Variants in TFCP2 observed in about 807,000 individuals in gnomAD.
The protein encoded by TFCP2 is alpha-globin transcription factor CP2.
TFCP2 carries 33 observed loss-of-function variants against 73.4 expected under a neutral mutation model. The ratio of observed to expected loss-of-function variants is 0.45; its 90% CI spans 0.34 to 0.60. TFCP2 has a LOEUF of 0.60. Among genes scored for constraint, TFCP2 ranks in the 20% least tolerant of loss-of-function variants. TFCP2 has a pLI of 0.01. For synonymous variants in TFCP2, 193 were observed against 211.6 expected, an observed-to-expected ratio of 0.91 and a Z score of 0.76; for missense variants, 352 against 604.0, an observed-to-expected ratio of 0.58 and a Z score of 4.37.
At chr12:51,140,000 TG>T (rs1456073217) in intron 1 of TFCP2, among the ~76,000 whole-genome samples, 1 of 152,200 alleles carries the variant, frequency 6.6e-6, no homozygotes, top group African/African-American at 2.4e-5. Context: ...CTGATATGCC[TG>T]GAACTATTTC....
chr12:51,128,478 T>TAA (rs11324129), intron 1 of TFCP2, among the ~76,000 whole-genome samples: 11 of 137,298 alleles, frequency 8.0e-5, no homozygotes, highest in South Asian at 4.6e-4. Context: ...AGTATAATAA[T>TAA]AAAAAAAAAA....
In TFCP2 at chr12:51,103,701, A is replaced by G. The variant is rs1289143887; in HGVS notation, c.1029T>C (p.Ser343=). Residue 343 remains serine (S), a synonymous_variant, in exon 10 of 15, where the codon TCT becomes TCC. Transcript: ENST00000257915. ...AQQWLHRNRF[S]TFTRLFTNFS... ...AGTTTGTGAAAAGCCTTGTGAATGTAGAAAAACGATTTCGATGCAACCACT... is the reference window on the plus strand; with the variant it reads ...AGTTTGTGAAAAGCCTTGTGAATGTGGAAAAACGATTTCGATGCAACCACT... 6.2e-7 allele frequency: 1 copy of G among 1,614,146 alleles called. No individual in the cohort carries two copies. The highest frequency in any genetic ancestry group is 8.5e-7 in the Non-Finnish European group (1 of 1,180,008).
At chr12:51,155,453 G>A (rs1941517718) in intron 1 of TFCP2, among the ~76,000 whole-genome samples, 1 of 151,882 alleles carries the variant, frequency 6.6e-6, no homozygotes, top group South Asian at 2.1e-4. Flanking sequence ...TTAATTTTTG[G>A]AAGAACCACC....
chr12:51,165,127 G>A (rs1459329564), intron 1 of TFCP2, among the ~76,000 whole-genome samples: 1 of 152,080 alleles, frequency 6.6e-6, no homozygotes, highest in Non-Finnish European at 1.5e-5. Flanking sequence ...GGCTGAGGCA[G>A]GAAGATCCCT....
intron 4 of TFCP2, among the ~76,000 whole-genome samples, chr12:51,114,904 A>C (rs919017094): frequency 6.6e-6 from 1 of 151,562 alleles, no homozygotes; most frequent in African/African-American, 2.4e-5. Flanking sequence ...TCTACCAAAA[A>C]TACAAAAATT....
intron 9 of TFCP2, 184 bp from the exon 10 acceptor site, chr12:51,103,947 A>T: frequency 1.4e-6 from 1 of 693,296 alleles, no homozygotes; most frequent in African/African-American, 1.8e-5. Flanking sequence ...ACTAGACTAT[A>T]AGCTGCTCAA....
chr12:51,125,106 A>G lies in TFCP2; in HGVS notation c.123-6334T>C, dbSNP rs1056279210. On this transcript the variant is annotated intron_variant, in intron 1 of 14. Transcript: ENST00000257915. ...TCCGATGCTGGTGAAGATGCGAGGA[A>G]GCTGGCTAGCAACAGGCTGGAAGAT... 3 of 753,634 alleles carry G rather than the reference A, an allele frequency of 4.0e-6. No homozygotes were observed. In the African/African-American group the frequency reaches 5.1e-5, roughly 13 times the overall value. The allele number at this position is 753,634 out of a possible 1,614,324, so 46.7% of individuals were successfully genotyped here. A position where few individuals can be genotyped will look rare whatever the true frequency, so the allele number is the denominator to read the frequency against.
chr12:51,108,218 G>A lies in TFCP2; in HGVS notation c.718-872C>T, dbSNP rs1010200487. The stretch of plus-strand genomic sequence containing the variant: ...TGAGAACAGCTTGAACCCAGGAGAC[G>A]GAGGTTGCAGTGAGCTGGCACTGCA... On this transcript the variant is annotated intron_variant, in intron 6 of 14. Coordinates refer to ENST00000257915, the MANE Select transcript of TFCP2 (RefSeq NM_005653.5). 5.9e-5 allele frequency among the ~76,000 whole-genome samples: 9 copies of A among 151,830 alleles called. No individual in the cohort carries two copies. The South Asian group carries it at 8.3e-4, about 14-fold the overall frequency.
At chr12:51,130,440 C>G (rs1413941831) in intron 1 of TFCP2, among the ~76,000 whole-genome samples, 1 of 151,946 alleles carries the variant, frequency 6.6e-6, no homozygotes, top group African/African-American at 2.4e-5. Context: ...CTACTACACT[C>G]CAGCCTGGGT....
Position 51,105,506 on chromosome 12 carries a change from T to C in TFCP2, c.917+1019A>G, listed in dbSNP as rs80057251. Among the ~76,000 whole-genome samples the C allele has an allele frequency of 2.8e-3, 434 of 152,342 alleles. 7 individuals carry two copies. Among genetic ancestry groups the C allele is most frequent in the African/African-American group, 9.9e-3 (410 of 41,574 alleles). Reference sequence around the variant, plus strand: ...ACACGACAAAGAGAAGAGAAAAATTTTTAAACACAGCTCTTAAACCCTATA... The same window carrying C: ...ACACGACAAAGAGAAGAGAAAAATTCTTAAACACAGCTCTTAAACCCTATA... On this transcript the variant is annotated intron_variant, in intron 8 of 14. Coordinates refer to ENST00000257915, the MANE Select transcript of TFCP2 (RefSeq NM_005653.5).
chr12:51,120,909 CAAA>C (rs35941534), intron 1 of TFCP2, among the ~76,000 whole-genome samples: 2 of 78,722 alleles, frequency 2.5e-5, no homozygotes, highest in African/African-American at 5.2e-5. Context: ...GACTGTGTCT[CAAA>C]AAAAAAAAAA....
intron 4 of TFCP2, among the ~76,000 whole-genome samples, chr12:51,112,050 T>C (rs984482972): frequency 2.6e-4 from 40 of 151,932 alleles, no homozygotes; most frequent in African/African-American, 9.2e-4. Flanking sequence ...CCCAGCTACC[T>C]GAGAGGCTGA....
chr12:51,101,842 T>C (rs1442901145), intron 11 of TFCP2, 93 bp downstream of exon 11: 7 of 697,974 alleles, frequency 1.0e-5, no homozygotes, highest in Non-Finnish European at 1.7e-5. Flanking sequence ...TTTGAGAAGG[T>C]GTATTTAGCT....
At chr12:51,153,398 CTTTTTTTTT>C (rs57780998) in intron 1 of TFCP2, among the ~76,000 whole-genome samples, 4 of 150,442 alleles carry the variant, frequency 2.7e-5, no homozygotes, top group African/African-American at 7.3e-5. Context: ...ATCATTTAAC[CTTTTTTTTT>C]TTTGTTTTTT....
At chr12:51,114,196 A>G (rs1339693014) in intron 4 of TFCP2, among the ~76,000 whole-genome samples, 1 of 152,230 alleles carries the variant, frequency 6.6e-6, no homozygotes, top group Non-Finnish European at 1.5e-5. Context: ...TATATCTGCT[A>G]TGGGGTTAAT....
At chr12:51,109,800 C>A (rs1308975933) in intron 5 of TFCP2, among the ~76,000 whole-genome samples, 2 of 151,244 alleles carry the variant, frequency 1.3e-5, no homozygotes, top group Non-Finnish European at 2.9e-5. Context: ...CTCACCGCAA[C>A]CTCCACCTCC....
intron 1 of TFCP2, among the ~76,000 whole-genome samples, chr12:51,127,027 AG>A (rs1940833012): frequency 6.6e-6 from 1 of 152,356 alleles, no homozygotes; most frequent in African/African-American, 2.4e-5. Flanking sequence ...TCAACTAAAA[AG>A]CAGCATATAT....
chr12:51,155,700 G>A (rs1325462924), intron 1 of TFCP2, among the ~76,000 whole-genome samples: 1 of 152,108 alleles, frequency 6.6e-6, no homozygotes, highest in Non-Finnish European at 1.5e-5. Context: ...GTTAAATCTG[G>A]TTTGCTGGTA....
At chr12:51,134,936 T>C (rs930023082) in intron 1 of TFCP2, among the ~76,000 whole-genome samples, 3 of 151,640 alleles carry the variant, frequency 2.0e-5, no homozygotes, top group African/African-American at 7.3e-5. Context: ...TAGTGGGACC[T>C]TGTCTCTAAA....
Sources: gnomAD v4.1 joint callset for allele counts (sites outside exome capture counted in the v4.1 genomes callset) on GRCh38, gnomAD v4.1.1 for gene constraint, MANE v1.5 for transcripts, NCBI Gene and HGNC (gene_info 2026-07-23, HGNC 2026-07-21) for gene names.